Variants in HVCN1 observed in about 807,000 individuals in gnomAD.
HVCN1 encodes hydrogen voltage gated channel 1.
In HVCN1, 14 loss-of-function variants were observed where a neutral mutation model predicts 29.2. That is an observed-to-expected ratio of 0.48 (90% CI 0.32 to 0.75). HVCN1 has a LOEUF of 0.75. HVCN1 is among the 30% of genes least tolerant of loss of function. HVCN1 has a pLI of 0.04. For missense variants in HVCN1, 263 were observed against 341.8 expected (o/e 0.77, Z 1.82); for synonymous variants, 131 against 133.2 (o/e 0.98, Z 0.11).
chr12:110,661,485 G>T lies in HVCN1; in HGVS notation c.22-37C>A, dbSNP rs1188614849. On this transcript the variant is annotated intron_variant, in intron 3 of 7. Coordinates refer to ENST00000242607, the MANE Select transcript of HVCN1 (RefSeq NM_032369.4). The surrounding 1 kb of genome is among the most constrained non-coding windows in gnomAD (Gnocchi z 6.2). ...GGACAGAGAGCAAGAGCTTCAGGCA[G>T]TTGGCCACTCAGAGCCCACATGGCC... The T allele has an allele frequency of 6.3e-7, 1 of 1,599,662 alleles. No individual in the cohort carries two copies. The highest frequency in any genetic ancestry group is 2.2e-5 in the East Asian group (1 of 44,740).
At chr12:110,696,819 C>T (rs1431299849) in intron 2 of HVCN1, among the ~76,000 whole-genome samples, 1 of 152,106 alleles carries the variant, frequency 6.6e-6, no homozygotes, top group African/African-American at 2.4e-5. Context: ...CTTATCCTTC[C>T]ATCCACTGAT....
chr12:110,703,276 C>T (rs1371895542), intron 1 of HVCN1, among the ~76,000 whole-genome samples: 1 of 150,214 alleles, frequency 6.7e-6, no homozygotes, highest in Non-Finnish European at 1.5e-5. Context: ...GTAGTCCCAG[C>T]TACTTGAGAG....
intron 3 of HVCN1, among the ~76,000 whole-genome samples, chr12:110,682,176 T>C (rs954352859): frequency 2.6e-5 from 4 of 152,026 alleles, no homozygotes; most frequent in Non-Finnish European, 4.4e-5. Context: ...TTAGTAGAGA[T>C]GGGGTTTCAC....
intron 4 of HVCN1, 34 bp from the exon 5 acceptor site, chr12:110,655,372 G>T: frequency 6.6e-7 from 1 of 1,508,038 alleles, no homozygotes; most frequent in African/African-American, 1.4e-5. Context: ...GAGATCATGA[G>T]ACCCCCACAG....
At chr12:110,659,121 T>C (rs1173076184) in intron 4 of HVCN1, among the ~76,000 whole-genome samples, 1 of 152,210 alleles carries the variant, frequency 6.6e-6, no homozygotes, top group Non-Finnish European at 1.5e-5. Flanking sequence ...CGCTCTGGCA[T>C]GTCAGCTGGC....
chr12:110,673,180 G>C (rs1593494865), intron 3 of HVCN1, among the ~76,000 whole-genome samples: 1 of 152,218 alleles, frequency 6.6e-6, no homozygotes, highest in East Asian at 1.9e-4. Flanking sequence ...GGCTGAGGTG[G>C]TCTCAGATGG....
chr12:110,686,014 C>T (rs145223096), intron 2 of HVCN1, among the ~76,000 whole-genome samples: 73 of 151,592 alleles, frequency 4.8e-4, no homozygotes, highest in African/African-American at 1.6e-3. Context: ...TTTTTTTTCC[C>T]CTGAGACAGA....
chr12:110,685,815 G>A (rs1045158377), intron 2 of HVCN1, among the ~76,000 whole-genome samples: 19 of 151,896 alleles, frequency 1.3e-4, no homozygotes, highest in African/African-American at 3.9e-4. Flanking sequence ...TCAACCTCCC[G>A]AGTAGCTGGG....
chr12:110,683,689 T>C (rs940844924), intron 2 of HVCN1, among the ~76,000 whole-genome samples: 1 of 151,982 alleles, frequency 6.6e-6, no homozygotes, highest in Non-Finnish European at 1.5e-5. Flanking sequence ...GGTGGGTGGA[T>C]CACCTGAGGT....
chr12:110,651,298 G>C lies in HVCN1; in HGVS notation c.562C>G (p.Leu188Val), dbSNP rs760539481. ...VVVSFILDIVLLFQEHQFEAL... is the reference protein window; with the variant it reads ...VVVSFILDIVVLFQEHQFEAL... ...TCAAACTGGTGCTCCTGGAACAGGA[G>C]GACAATGTCGAGGATGAATGAGACC... Residue 188 changes from leucine (L) to valine (V), a missense_variant, in exon 6 of 8, where the codon CTC becomes GTC. This residue lies in a region of HVCN1 where 55 missense variants were observed against 109.4 expected (regional missense o/e 0.50). Transcript: ENST00000242607. The C allele has an allele frequency of 6.2e-7, 1 of 1,614,168 alleles. No homozygotes were observed. The highest frequency in any genetic ancestry group is 2.2e-5 in the East Asian group (1 of 44,894).
chr12:110,657,262 G>A (rs555030791), intron 4 of HVCN1, among the ~76,000 whole-genome samples: 1 of 152,204 alleles, frequency 6.6e-6, no homozygotes, highest in Non-Finnish European at 1.5e-5. Context: ...GGGAGGCAGA[G>A]GCGGGCAGAT....
intron 3 of HVCN1, among the ~76,000 whole-genome samples, chr12:110,675,777 T>C (rs560028128): frequency 2.0e-5 from 3 of 151,004 alleles, no homozygotes; most frequent in Non-Finnish European, 3.0e-5. Context: ...GTGGTGGTGG[T>C]GCATGCCTAT....
intron 6 of HVCN1, among the ~76,000 whole-genome samples, chr12:110,650,584 G>T (rs917463874): frequency 3.9e-5 from 6 of 152,160 alleles, no homozygotes; most frequent in Non-Finnish European, 8.8e-5. Context: ...CACAACAGCG[G>T]TGTCCATAGA....
At chr12:110,656,083 C>T (rs368702587) in intron 4 of HVCN1, among the ~76,000 whole-genome samples, 2 of 152,212 alleles carry the variant, frequency 1.3e-5, no homozygotes, top group Admixed American at 6.5e-5. Context: ...TAATTCAACA[C>T]AGCCCTGCCT....
At position 110,648,792 on chromosome 12, in the gene HVCN1, G is replaced by A. The variant is rs2067601191; in HGVS notation, c.*618C>T. 3.2e-6 allele frequency: 1 copy of A among 309,680 alleles called. No individual in the cohort carries two copies. Among genetic ancestry groups the A allele is most frequent in the South Asian group, 2.7e-5 (1 of 37,016 alleles). The allele number at this position is 309,680 out of a possible 1,614,324, so 19.2% of individuals were successfully genotyped here. Reference sequence around the variant, plus strand: ...ACAGTAGGAGGGTCCAGGGAAAAGAGAGAGTTTATTTTATACAGTAGTTGT... The same window carrying A: ...ACAGTAGGAGGGTCCAGGGAAAAGAAAGAGTTTATTTTATACAGTAGTTGT... On this transcript the variant is annotated 3_prime_UTR_variant, in exon 8 of 8. Transcript: ENST00000242607.
intron 5 of HVCN1, among the ~76,000 whole-genome samples, chr12:110,652,550 G>A (rs2067846854): frequency 6.6e-6 from 1 of 152,190 alleles, no homozygotes; most frequent in Non-Finnish European, 1.5e-5. Flanking sequence ...CAGTCAACTT[G>A]AAGAGGCTCA....
At chr12:110,691,462 A>C (rs192635516), upstream of HVCN1, among the ~76,000 whole-genome samples, 1 of 152,198 alleles carries the variant, frequency 6.6e-6, no homozygotes, top group Non-Finnish European at 1.5e-5. Flanking sequence ...AGTCTGGTCC[A>C]TTTTCAACTT....
chr12:110,665,162 A>G (rs1217343808), intron 3 of HVCN1, among the ~76,000 whole-genome samples: 1 of 152,182 alleles, frequency 6.6e-6, no homozygotes, highest in Non-Finnish European at 1.5e-5. Flanking sequence ...AACAACATAA[A>G]CTCAACATCA....
intron 2 of HVCN1, among the ~76,000 whole-genome samples, chr12:110,687,257 A>ACT (rs1555238929): frequency 4.6e-5 from 5 of 109,280 alleles, no homozygotes; most frequent in Non-Finnish European, 7.9e-5. Context: ...GACAGACCAC[A>ACT]CCCCCCCCCC....
Sources: gnomAD v4.1 joint callset for allele counts (sites outside exome capture counted in the v4.1 genomes callset) on GRCh38, gnomAD v4.1.1 for gene constraint, gnomAD v4.1.1 regional missense constraint, Gnocchi (gnomAD v3.1) non-coding constraint, MANE v1.5 for transcripts, NCBI Gene and HGNC (gene_info 2026-07-23, HGNC 2026-07-21) for gene names.